The following CCDC171 variants were observed in gnomAD, a reference collection of about 807,000 sequenced individuals.
CCDC171 encodes coiled-coil domain containing 171, also known as coiled-coil domain-containing protein 171.
Under a neutral mutation model 168.2 loss-of-function variants are expected in CCDC171, and 177 were observed. The ratio of observed to expected loss-of-function variants is 1.05; its 90% CI spans 0.93 to 1.19. The LOEUF is 1.19. CCDC171 is among the 50% of genes most tolerant of loss of function. CCDC171 has a pLI of 0.00. For synonymous variants in CCDC171, 687 were observed against 540.8 expected, an observed-to-expected ratio of 1.27 and a Z score of -3.75; for missense variants, 1,991 against 1,539.0, an observed-to-expected ratio of 1.29 and a Z score of -4.91.
At chr9:15,743,004 C>G (rs116064657) in intron 16 of CCDC171, among the ~76,000 whole-genome samples, 2,667 of 151,884 alleles carry the variant, frequency 0.018, 96 homozygotes, top group African/African-American at 0.061. Context: ...GTCCTAAACT[C>G]CTGCCCTCAA....
At chr9:15,652,530 A>C (rs980718335) in intron 7 of CCDC171, among the ~76,000 whole-genome samples, 20 of 151,434 alleles carry the variant, frequency 1.3e-4, no homozygotes, top group African/African-American at 4.9e-4. Flanking sequence ...TCCCAGGCTC[A>C]AGCCATTCTC....
chr9:16,032,247 TTA>T (rs2133042308), intron 6 of CCDC171, among the ~76,000 whole-genome samples: 1 of 152,232 alleles, frequency 6.6e-6, no homozygotes, highest in African/African-American at 2.4e-5. Context: ...GGAATGCATT[TTA>T]GAAATGTTGT....
chr9:15,590,907 G>T (rs2041964822), intron 4 of CCDC171, among the ~76,000 whole-genome samples: 1 of 146,874 alleles, frequency 6.8e-6, no homozygotes, highest in Non-Finnish European at 1.5e-5. Context: ...CTGAGAGGAG[G>T]TCTCCCTATG....
intron 4 of CCDC171, among the ~76,000 whole-genome samples, chr9:15,588,060 C>A (rs1464828743): frequency 2.6e-5 from 4 of 151,994 alleles, no homozygotes; most frequent in Non-Finnish European, 5.9e-5. Context: ...TATGGTGAAA[C>A]CCTGTCTCTA....
intron 7 of CCDC171, among the ~76,000 whole-genome samples, chr9:15,625,992 A>C (rs939405087): frequency 1.3e-5 from 2 of 152,148 alleles, no homozygotes; most frequent in East Asian, 1.9e-4. Context: ...CTTTCATTTC[A>C]TTGAGCAGTG....
At chr9:15,815,226 C>T (rs372826593) in intron 21 of CCDC171, among the ~76,000 whole-genome samples, 94 of 152,190 alleles carry the variant, frequency 6.2e-4, no homozygotes, top group African/African-American at 2.0e-3. Context: ...TCTTCCTAGC[C>T]GCCCGTATCA....
intron 11 of CCDC171, among the ~76,000 whole-genome samples, chr9:15,709,567 CTTGT>C (rs1488716150): frequency 3.3e-5 from 5 of 152,094 alleles, no homozygotes; most frequent in Admixed American, 3.3e-4. Context: ...TTCAAAAATA[CTTGT>C]TTGAGATAAA....
At chr9:15,725,099 T>A (rs541012888) in intron 14 of CCDC171, 123 bp downstream of exon 14, 1 of 687,380 alleles carries the variant, frequency 1.5e-6, no homozygotes, top group East Asian at 2.7e-5. Context: ...TATTTTGAAA[T>A]GTTTGTGACA....
intron 25 of CCDC171, among the ~76,000 whole-genome samples, chr9:15,954,035 T>C (rs1829501198): frequency 6.6e-6 from 1 of 151,994 alleles, no homozygotes; most frequent in Admixed American, 6.6e-5. Flanking sequence ...CTTTCTCTTT[T>C]GATATTAGTA....
the CCDC171 span, among the ~76,000 whole-genome samples, chr9:16,080,673 A>G: frequency 6.6e-6 from 1 of 152,170 alleles, no homozygotes; most frequent in African/African-American, 2.4e-5. Flanking sequence ...AGAGAAAGGA[A>G]AGCTAAATCA....
intron 24 of CCDC171, among the ~76,000 whole-genome samples, chr9:15,915,592 A>T (rs1485082528): frequency 6.6e-6 from 1 of 152,128 alleles, no homozygotes; most frequent in African/African-American, 2.4e-5. Flanking sequence ...TTTGCCAATT[A>T]TGATACCTGT....
chr9:15,891,546 T>G (rs1484888933), intron 24 of CCDC171, among the ~76,000 whole-genome samples: 1 of 152,118 alleles, frequency 6.6e-6, no homozygotes, highest in Non-Finnish European at 1.5e-5. Flanking sequence ...CTGCAAAAAG[T>G]GTAAATCAGA....
chr9:15,656,122 A>G (rs1382407591), intron 7 of CCDC171, among the ~76,000 whole-genome samples: 1 of 152,156 alleles, frequency 6.6e-6, no homozygotes, highest in Non-Finnish European at 1.5e-5. Context: ...GATCGAGACC[A>G]TCCTGGCTAG....
chr9:15,747,657 G>C (rs571657089), intron 18 of CCDC171, among the ~76,000 whole-genome samples: 2 of 152,312 alleles, frequency 1.3e-5, no homozygotes, highest in South Asian at 4.1e-4. Flanking sequence ...TGCAGCTGAG[G>C]AGCCTGTTAG....
chr9:15,803,528 C>G (rs2058928052), intron 21 of CCDC171, among the ~76,000 whole-genome samples: 1 of 152,008 alleles, frequency 6.6e-6, no homozygotes, highest in Non-Finnish European at 1.5e-5. Flanking sequence ...AATCCTTTCC[C>G]CATTGCTTGT....
At chr9:16,088,832 A>T in the CCDC171 span, among the ~76,000 whole-genome samples, 1 of 152,166 alleles carries the variant, frequency 6.6e-6, no homozygotes, top group Admixed American at 6.5e-5. Context: ...GCTACCATTG[A>T]TTTTCTCCAC....
intron 16 of CCDC171, 102 bp downstream of exon 16, chr9:15,729,900 T>G: frequency 1.2e-6 from 1 of 856,926 alleles, no homozygotes; most frequent in South Asian, 2.0e-5. Flanking sequence ...TTAAACTTCT[T>G]AAGAACTTCG....
In CCDC171 at chr9:15,572,249, G is replaced by A. The variant is rs1348159626; in HGVS notation, c.177+490G>A. ...ATGTATATGCATATAGTCCAAGATAGTTTTCCTTCCCTTCTAAGATAATTC... is the reference window on the plus strand; with the variant it reads ...ATGTATATGCATATAGTCCAAGATAATTTTCCTTCCCTTCTAAGATAATTC... On this transcript the variant is annotated intron_variant, in intron 3 of 25. Transcript: ENST00000380701. Among the ~76,000 whole-genome samples the A allele has an allele frequency of 7.9e-5, 12 of 152,118 alleles. 1 individual carries two copies.
intron 25 of CCDC171, among the ~76,000 whole-genome samples, chr9:15,966,246 G>C (rs1298863574): frequency 6.6e-6 from 1 of 152,214 alleles, no homozygotes; most frequent in African/African-American, 2.4e-5. Flanking sequence ...TTATGAAAGA[G>C]GCAGACCTTG....
Sources: allele counts gnomAD v4.1 joint callset (sites outside exome capture counted in the v4.1 genomes callset), GRCh38; gene constraint gnomAD v4.1.1; transcripts MANE v1.5; gene names NCBI Gene and HGNC (gene_info 2026-07-23, HGNC 2026-07-21).